Variants in NCMAP observed in about 807,000 individuals in gnomAD.
NCMAP encodes non-compact myelin associated protein.
NCMAP carries 8 observed loss-of-function variants against 7.8 expected under a neutral mutation model. The ratio of observed to expected loss-of-function variants is 1.02; its 90% CI spans 0.60 to 1.84. The LOEUF (loss-of-function observed/expected upper bound fraction) is 1.84. Among genes scored for constraint, NCMAP ranks in the 40% most tolerant of loss-of-function variants. The pLI is 0.00. For synonymous variants in NCMAP, 41 were observed against 52.9 expected (o/e 0.78, Z 0.98); for missense variants, 112 against 131.4 (o/e 0.85, Z 0.72).
At chr1:24,599,617 G>A (rs762048145) in intron 2 of NCMAP, among the ~76,000 whole-genome samples, 7 of 151,728 alleles carry the variant, frequency 4.6e-5, no homozygotes, top group African/African-American at 7.3e-5. Flanking sequence ...TTGCTCTGTC[G>A]CCCAGGCTAG....
chr1:24,603,488 G>A (rs2148939533), intron 3 of NCMAP, among the ~76,000 whole-genome samples: 1 of 152,164 alleles, frequency 6.6e-6, no homozygotes, highest in East Asian at 1.9e-4. Flanking sequence ...CTCTTTTTTA[G>A]GTCGTAATCT....
In NCMAP at chr1:24,605,861, G is replaced by A. The variant is rs1265191458; in HGVS notation, c.*114G>A. 8.1e-7 allele frequency: 1 copy of A among 1,238,170 alleles called. No homozygotes were observed. The highest frequency in any genetic ancestry group is 1.1e-6 in the Non-Finnish European group (1 of 887,612). The allele number at this position is 1,238,170 out of a possible 1,614,324, so 76.7% of individuals were successfully genotyped here. The stretch of plus-strand genomic sequence containing the variant: ...AGCTTCTTCTGGTCAGGTCGACAGA[G>A]ACATCTTTGACGCAATCTCTGATGC... On this transcript the variant is annotated 3_prime_UTR_variant, in exon 4 of 4. Transcript: ENST00000374392.
chr1:24,565,590 G>GTGTT (rs1462753917), intron 1 of NCMAP, among the ~76,000 whole-genome samples: 1 of 148,888 alleles, frequency 6.7e-6, no homozygotes, highest in South Asian at 2.1e-4. Flanking sequence ...GTGTGTGTGT[G>GTGTT]TGTGTGTGTG....
intron 1 of NCMAP, among the ~76,000 whole-genome samples, chr1:24,575,800 C>T (rs1651538549): frequency 6.6e-6 from 1 of 151,644 alleles, no homozygotes; most frequent in African/African-American, 2.4e-5. Flanking sequence ...ACAAAATTAG[C>T]CGGGCGTGGT....
At chr1:24,597,979 G>C (rs1482944294) in intron 2 of NCMAP, among the ~76,000 whole-genome samples, 1 of 151,904 alleles carries the variant, frequency 6.6e-6, no homozygotes, top group Non-Finnish European at 1.5e-5. Context: ...TGGGGGTGGG[G>C]GGAACTTGGA....
chr1:24,597,613 GAAAGAGAAAGAAAGAAAGAA>G (rs1267048855), intron 2 of NCMAP, among the ~76,000 whole-genome samples: 7 of 81,220 alleles, frequency 8.6e-5, no homozygotes, highest in African/African-American at 3.8e-4. Flanking sequence ...AAGAAAGAAA[GAAAGAGAAAGAAAGAAAGAA>G]AGAAAGAAAG....
At chr1:24,590,988 G>A (rs183722360) in intron 1 of NCMAP, among the ~76,000 whole-genome samples, 171 of 152,308 alleles carry the variant, frequency 1.1e-3, no homozygotes, top group African/African-American at 3.3e-3. Context: ...ATGAGCAAAT[G>A]AAGCTGGGAG....
At chr1:24,557,756 C>A (rs1021661407) in intron 1 of NCMAP, among the ~76,000 whole-genome samples, 2 of 152,186 alleles carry the variant, frequency 1.3e-5, no homozygotes, top group African/African-American at 4.8e-5. Flanking sequence ...TTCACCTTGT[C>A]CCTGCTGGGC....
At chr1:24,556,652 G>A (rs1450305692) in intron 1 of NCMAP, among the ~76,000 whole-genome samples, 1 of 152,126 alleles carries the variant, frequency 6.6e-6, no homozygotes, top group Non-Finnish European at 1.5e-5. Context: ...GGAGCCCAGG[G>A]CCGTAGTTTC....
intron 1 of NCMAP, among the ~76,000 whole-genome samples, chr1:24,560,136 G>A (rs1651006230): frequency 6.9e-6 from 1 of 145,720 alleles, no homozygotes; most frequent in Non-Finnish European, 1.5e-5. Context: ...ACTCCAGCCT[G>A]GGCGACAGAG....
At chr1:24,602,292 G>A (rs1446744207) in intron 3 of NCMAP, among the ~76,000 whole-genome samples, 4 of 151,970 alleles carry the variant, frequency 2.6e-5, no homozygotes, top group Non-Finnish European at 5.9e-5. Flanking sequence ...TGGTAAACAC[G>A]CATTGTTTTT....
intron 2 of NCMAP, among the ~76,000 whole-genome samples, chr1:24,599,194 C>T (rs947618461): frequency 1.3e-5 from 2 of 148,438 alleles, no homozygotes; most frequent in Admixed American, 6.9e-5. Flanking sequence ...GCAGGAGAAT[C>T]GATTGAACCC....
intron 3 of NCMAP, among the ~76,000 whole-genome samples, chr1:24,602,297 G>GT (rs955004105): frequency 2.0e-5 from 3 of 151,994 alleles, no homozygotes; most frequent in Admixed American, 6.6e-5. Flanking sequence ...AACACGCATT[G>GT]TTTTTATAAG....
Position 24,595,492 on chromosome 1 carries a change from G to T in NCMAP, c.62G>T (p.Gly21Val). 6.2e-7 allele frequency: 1 copy of T among 1,613,906 alleles called. No individual in the cohort carries two copies. Reference sequence around the variant, plus strand: ...TTCTCACTGAACATGACCACCAGGGGAGAAGACTTCCTGTATAAGAGTAAG... The same window carrying T: ...TTCTCACTGAACATGACCACCAGGGTAGAAGACTTCCTGTATAAGAGTAAG... ...TFFSLNMTTR[G>V]EDFLYKSSGA... Residue 21 changes from glycine (G) to valine (V), a missense_variant, in exon 2 of 4, where the codon GGA (glycine) becomes GTA (valine). Gly to Val is a moderately radical substitution (Grantham distance 109). Transcript: ENST00000374392.
chr1:24,586,972 C>T (rs4233038), intron 1 of NCMAP, among the ~76,000 whole-genome samples: 117,922 of 152,112 alleles, frequency 0.78, 46,069 homozygotes, highest in African/African-American at 0.86. Flanking sequence ...ATAGGACATG[C>T]TTCATCTCAT....
intron 1 of NCMAP, among the ~76,000 whole-genome samples, chr1:24,581,222 T>C (rs1651735094): frequency 6.6e-6 from 1 of 151,940 alleles, no homozygotes; most frequent in Non-Finnish European, 1.5e-5. Flanking sequence ...GTTCAAGCGA[T>C]TCTCCTGCCT....
At chr1:24,570,531 G>A (rs554408228) in intron 1 of NCMAP, among the ~76,000 whole-genome samples, 1 of 150,900 alleles carries the variant, frequency 6.6e-6, no homozygotes, top group South Asian at 2.1e-4. Flanking sequence ...TACTTAACAG[G>A]GGGCTTAGCG....
chr1:24,568,543 G>T (rs1264993408), intron 1 of NCMAP, among the ~76,000 whole-genome samples: 1 of 152,146 alleles, frequency 6.6e-6, no homozygotes, highest in Non-Finnish European at 1.5e-5. Flanking sequence ...GGGCTGCTTT[G>T]TGCCAAACAC....
chr1:24,596,823 A>T (rs943798376), intron 2 of NCMAP, among the ~76,000 whole-genome samples: 5 of 152,200 alleles, frequency 3.3e-5, no homozygotes, highest in African/African-American at 1.2e-4. Context: ...TTTGCCGTGA[A>T]CTAGTGGCCC....
Sources: allele counts gnomAD v4.1 joint callset (sites outside exome capture counted in the v4.1 genomes callset), GRCh38; gene constraint gnomAD v4.1.1; transcripts MANE v1.5; gene names NCBI Gene and HGNC (gene_info 2026-07-23, HGNC 2026-07-21).